FRMD6: variants seen among roughly 807,000 people sequenced by gnomAD.
FRMD6 encodes FERM domain-containing protein 6.
A neutral mutation model predicts 73.2 loss-of-function variants in FRMD6; 37 were observed. The observed-to-expected ratio is 0.51, with a 90% CI of 0.39 to 0.66. The LOEUF (loss-of-function observed/expected upper bound fraction) is 0.66, where lower values mean the gene tolerates loss of function less well. FRMD6 is among the 30% of genes least tolerant of loss of function. FRMD6 has a pLI of 0.00. For synonymous variants in FRMD6, 273 were observed against 282.2 expected (o/e 0.97, Z 0.33); for missense variants, 714 against 780.5 (o/e 0.91, Z 1.02).
rs1209275719 is a variant in FRMD6, at chr14:51,708,127, T to C, written c.608T>C (p.Met203Thr). The C allele has an allele frequency of 1.4e-5, 22 of 1,613,216 alleles. No homozygotes were observed. The highest frequency in any genetic ancestry group is 1.7e-5 in the Non-Finnish European group (20 of 1,179,516). Residue 203 changes from methionine (M) to threonine (T), a missense_variant, in exon 7 of 14, where the codon ATG becomes ACG. Coordinates refer to ENST00000344768, the MANE Select transcript of FRMD6 (RefSeq NM_001267046.2). ...KDYILKHIPN[M>T]HKDQFALTAS... ...TACATCCTGAAGCACATTCCAAACA[T>C]GCACAAAGATCAGTTTGCACTAACA...
At chr14:51,550,589 C>CCG (rs1555374789) in intron 1 of FRMD6, among the ~76,000 whole-genome samples, 2 of 149,850 alleles carry the variant, frequency 1.3e-5, no homozygotes, top group East Asian at 1.9e-4. Context: ...GACCCCCCCG[C>CCG]CATGCTTATA....
At chr14:51,470,705 A>G in the FRMD6 span, among the ~76,000 whole-genome samples, 2 of 152,212 alleles carry the variant, frequency 1.3e-5, no homozygotes, top group Non-Finnish European at 2.9e-5. Context: ...GGTACATTGT[A>G]TCTTCATTCA....
At chr14:51,633,814 C>T (rs1371724771) in intron 2 of FRMD6, among the ~76,000 whole-genome samples, 1 of 152,106 alleles carries the variant, frequency 6.6e-6, no homozygotes, top group African/African-American at 2.4e-5. Flanking sequence ...ACGTACAATA[C>T]TTCACATACT....
At chr14:51,574,697 T>C (rs909480824) in intron 2 of FRMD6, among the ~76,000 whole-genome samples, 1 of 151,946 alleles carries the variant, frequency 6.6e-6, no homozygotes, top group Admixed American at 6.6e-5. Context: ...GTGGGGGAAG[T>C]GGGAATGGTT....
intron 3 of FRMD6, 92 bp downstream of exon 3, chr14:51,698,324 T>C: frequency 1.4e-6 from 1 of 739,024 alleles, no homozygotes; most frequent in Admixed American, 2.7e-5. Context: ...CCTATTGTTA[T>C]AAAACTGTGA....
At chr14:51,646,296 C>T (rs548294323) in intron 2 of FRMD6, among the ~76,000 whole-genome samples, 51 of 122,822 alleles carry the variant, frequency 4.2e-4, no homozygotes, top group Non-Finnish European at 7.3e-4. Context: ...CCAGCCTGGG[C>T]GACACAGCGA....
At chr14:51,434,654 G>A in the FRMD6 span, among the ~76,000 whole-genome samples, 33 of 152,130 alleles carry the variant, frequency 2.2e-4, no homozygotes, top group African/African-American at 7.7e-4. Context: ...TAGGCAAATA[G>A]CAATAAATGT....
intron 2 of FRMD6, among the ~76,000 whole-genome samples, chr14:51,693,623 G>GA (rs397934484): frequency 0.014 from 2 of 138 alleles, no homozygotes; most frequent in Non-Finnish European, 0.045. Context: ...TGAAGTGCCT[G>GA]CATATGTGAA....
In FRMD6 at chr14:51,720,659, C is replaced by T. The variant is rs576022247; in HGVS notation, c.1360+269C>T. ...TCTATGAAGTAGATTGGAAATTAGT[C>T]CTGCTGCCCTTGTGTCTGTATTTCT... On this transcript the variant is annotated intron_variant, in intron 11 of 13. Transcript: ENST00000344768. The T allele has an allele frequency of 4.5e-5, 21 of 462,636 alleles. 1 individual carries two copies. The South Asian group carries it at 4.7e-4, about 10-fold the overall frequency. 28.7% of individuals were successfully genotyped at this position (462,636 alleles called of 1,614,324 possible).
chr14:51,405,777 G>A, the FRMD6 span, among the ~76,000 whole-genome samples: 1 of 152,122 alleles, frequency 6.6e-6, no homozygotes, highest in Non-Finnish European at 1.5e-5. Context: ...CTCCCATTCT[G>A]TAGGTTGTCT....
At chr14:51,506,667 G>T (rs1462838032) in intron 1 of FRMD6, among the ~76,000 whole-genome samples, 2 of 151,974 alleles carry the variant, frequency 1.3e-5, no homozygotes, top group Non-Finnish European at 2.9e-5. Flanking sequence ...ATTTGACCCA[G>T]CACTTCCATT....
At chr14:51,503,346 C>T (rs1028822275) in intron 1 of FRMD6, among the ~76,000 whole-genome samples, 2 of 152,000 alleles carry the variant, frequency 1.3e-5, no homozygotes, top group Non-Finnish European at 2.9e-5. Context: ...TAATATATGG[C>T]TCTTATTATT....
chr14:51,570,090 C>T (rs1181475214), intron 1 of FRMD6, among the ~76,000 whole-genome samples: 1 of 152,146 alleles, frequency 6.6e-6, no homozygotes, highest in Non-Finnish European at 1.5e-5. Context: ...GCTGGGATTA[C>T]AGACGTGAGC....
intron 1 of FRMD6, among the ~76,000 whole-genome samples, chr14:51,530,517 G>A (rs1171487999): frequency 6.6e-6 from 1 of 152,144 alleles, no homozygotes; most frequent in African/African-American, 2.4e-5. Flanking sequence ...GTCTTACTCT[G>A]TCACCCAGGC....
chr14:51,558,173 T>TA (rs1000600493), intron 1 of FRMD6, among the ~76,000 whole-genome samples: 1 of 152,120 alleles, frequency 6.6e-6, no homozygotes, highest in Non-Finnish European at 1.5e-5. Flanking sequence ...AATACCTTTT[T>TA]AAAAATTAAA....
intron 1 of FRMD6, among the ~76,000 whole-genome samples, chr14:51,497,008 C>T (rs1326826763): frequency 6.6e-6 from 1 of 152,162 alleles, no homozygotes; most frequent in Admixed American, 6.5e-5. Flanking sequence ...TTAAACCATA[C>T]ACCCACCATA....
chr14:51,703,555 G>GC (rs1896451873), intron 5 of FRMD6, among the ~76,000 whole-genome samples: 1 of 151,870 alleles, frequency 6.6e-6, no homozygotes, highest in South Asian at 2.1e-4. Context: ...GGTAAGTGTG[G>GC]CATGACCTGG....
intron 2 of FRMD6, among the ~76,000 whole-genome samples, chr14:51,574,030 G>T (rs1379220871): frequency 6.6e-6 from 1 of 152,104 alleles, no homozygotes; most frequent in Non-Finnish European, 1.5e-5. Flanking sequence ...AGCATCTCTT[G>T]GGTAACAGTT....
At chr14:51,671,551 G>A (rs902073308) in intron 1 of FRMD6, among the ~76,000 whole-genome samples, 1 of 152,128 alleles carries the variant, frequency 6.6e-6, no homozygotes, top group African/African-American at 2.4e-5. Flanking sequence ...GCACTAAAAA[G>A]GGTAAGACAG....
Sources: allele counts gnomAD v4.1 joint callset (sites outside exome capture counted in the v4.1 genomes callset), GRCh38; gene constraint gnomAD v4.1.1; transcripts MANE v1.5; gene names NCBI Gene and HGNC (gene_info 2026-07-23, HGNC 2026-07-21).